The following MGAT4A variants were observed in gnomAD, a reference collection of about 807,000 sequenced individuals.
The protein encoded by MGAT4A is alpha-1,3-mannosyl-glycoprotein 4-beta-N-acetylglucosaminyltransferase A.
MGAT4A carries 33 observed loss-of-function variants against 74.1 expected under a neutral mutation model. That is an observed-to-expected ratio of 0.45 (90% CI 0.34 to 0.60). The LOEUF is 0.60. MGAT4A is among the 20% of genes least tolerant of loss of function. MGAT4A has a pLI of 0.02. For synonymous variants in MGAT4A, 198 were observed against 210.4 expected (o/e 0.94, Z 0.51); for missense variants, 479 against 628.3 (o/e 0.76, Z 2.54).
intron 2 of MGAT4A, among the ~76,000 whole-genome samples, chr2:98,719,055 T>C (rs1187558371): frequency 6.6e-6 from 1 of 152,098 alleles, no homozygotes; most frequent in East Asian, 1.9e-4. Context: ...CTGGAGAATT[T>C]TGGGCTTGTG....
intron 8 of MGAT4A, among the ~76,000 whole-genome samples, chr2:98,647,629 T>G (rs1701512977): frequency 6.6e-6 from 1 of 152,334 alleles, no homozygotes; most frequent in Admixed American, 6.5e-5. Context: ...CATAACGCGC[T>G]TTCTTATGCG....
At chr2:98,681,264 A>C (rs1455624099) in intron 2 of MGAT4A, among the ~76,000 whole-genome samples, 2 of 152,198 alleles carry the variant, frequency 1.3e-5, no homozygotes, top group Non-Finnish European at 2.9e-5. Context: ...TACAGACGTG[A>C]GCCACCGCAC....
chr2:98,728,707 C>T (rs1317404679), intron 1 of MGAT4A, among the ~76,000 whole-genome samples: 1 of 151,610 alleles, frequency 6.6e-6, no homozygotes, highest in East Asian at 1.9e-4. Flanking sequence ...CGAGATCACA[C>T]CACTGCACTC....
intron 4 of MGAT4A, among the ~76,000 whole-genome samples, chr2:98,673,464 T>C (rs2104284368): frequency 6.6e-6 from 1 of 152,314 alleles, no homozygotes; most frequent in South Asian, 2.1e-4. Context: ...TATTAAGAGC[T>C]TTTCCTAATG....
rs1317644259 is a variant in MGAT4A at position 98,623,894 on chromosome 2, C to T, written c.*1672G>A. The T allele has an allele frequency of 1.0e-6, 1 of 985,374 alleles. No homozygotes were observed. Among genetic ancestry groups the T allele is most frequent in the African/African-American group, 1.7e-5 (1 of 57,240 alleles). The allele number at this position is 985,374 out of a possible 1,614,324, so 61.0% of individuals were successfully genotyped here. On this transcript the variant is annotated 3_prime_UTR_variant, in exon 16 of 16. Coordinates refer to ENST00000393487, the MANE Select transcript of MGAT4A (RefSeq NM_012214.3). The stretch of plus-strand genomic sequence containing the variant: ...ACCTTGCCCCAGCGCTAGGCCCCAG[C>T]CAGTGGTCACTCTGAAAGCTCAGCA...
rs773023810 is a variant in MGAT4A at position 98,625,560 on chromosome 2, A to C, written c.*6T>G. 5.0e-6 allele frequency: 8 copies of C among 1,608,730 alleles called. No homozygotes were observed. The highest frequency in any genetic ancestry group is 5.9e-6 in the Non-Finnish European group (7 of 1,178,564). On this transcript the variant is annotated 3_prime_UTR_variant, in exon 16 of 16. Transcript: ENST00000393487. Reference sequence around the variant, plus strand: ...ACAGGAAAAAATGTGTTGGTTTCTCAGATGATCAGTTGGTGGCTTTTTTAA... The same window carrying C: ...ACAGGAAAAAATGTGTTGGTTTCTCCGATGATCAGTTGGTGGCTTTTTTAA...
intron 2 of MGAT4A, among the ~76,000 whole-genome samples, chr2:98,684,005 T>A (rs1702097055): frequency 1.3e-5 from 2 of 152,194 alleles, no homozygotes; most frequent in Non-Finnish European, 2.9e-5. Context: ...TTCTGCCACA[T>A]TAAAAGAGTT....
chr2:98,626,787 T>C (rs1232025379), intron 14 of MGAT4A, among the ~76,000 whole-genome samples: 1 of 152,176 alleles, frequency 6.6e-6, no homozygotes, highest in East Asian at 1.9e-4. Flanking sequence ...AAAGTTAGTG[T>C]TCCCTATAAT....
chr2:98,728,538 AG>A (rs1188336658), intron 1 of MGAT4A, among the ~76,000 whole-genome samples: 2 of 152,124 alleles, frequency 1.3e-5, no homozygotes, highest in Non-Finnish European at 2.9e-5. Flanking sequence ...ACCCGAGGTC[AG>A]GAGTTCAAGG....
chr2:98,657,038 T>C (rs1701670980), intron 6 of MGAT4A, among the ~76,000 whole-genome samples: 1 of 152,132 alleles, frequency 6.6e-6, no homozygotes, highest in Non-Finnish European at 1.5e-5. Flanking sequence ...GCCTAGTGGG[T>C]AGACATTAGG....
chr2:98,693,338 T>C (rs1702218894), intron 2 of MGAT4A, among the ~76,000 whole-genome samples: 1 of 151,632 alleles, frequency 6.6e-6, no homozygotes, highest in Admixed American at 6.6e-5. Flanking sequence ...AAGGAAATGA[T>C]AAAGGAAGGA....
intron 4 of MGAT4A, among the ~76,000 whole-genome samples, chr2:98,667,043 T>C (rs945808212): frequency 6.6e-6 from 1 of 152,164 alleles, no homozygotes; most frequent in Non-Finnish European, 1.5e-5. Context: ...TGATAGTGAA[T>C]AAGTCTTACA....
At chr2:98,640,899 TATA>T in intron 10 of MGAT4A, among the ~76,000 whole-genome samples, 1 of 152,318 alleles carries the variant, frequency 6.6e-6, no homozygotes, top group Non-Finnish European at 1.5e-5. Context: ...TATTTAATAA[TATA>T]ATGAATTTGC....
chr2:98,696,437 C>T (rs936782553), intron 2 of MGAT4A, among the ~76,000 whole-genome samples: 1 of 152,208 alleles, frequency 6.6e-6, no homozygotes, highest in Non-Finnish European at 1.5e-5. Context: ...TCTAAGTTGA[C>T]GTCTCTTCCC....
intron 2 of MGAT4A, among the ~76,000 whole-genome samples, chr2:98,683,493 G>C (rs1219232833): frequency 6.6e-6 from 1 of 152,066 alleles, no homozygotes; most frequent in African/African-American, 2.4e-5. Flanking sequence ...GTTCACAATA[G>C]GTGAAATGTG....
At chr2:98,635,321 T>C (rs370891712) in intron 13 of MGAT4A, 33 bp from the exon 14 acceptor site, 82 of 1,490,628 alleles carry the variant, frequency 5.5e-5, no homozygotes, top group South Asian at 2.6e-4. Context: ...ATTTCAAAAA[T>C]AATTCTTTCT....
At chr2:98,678,011 C>T (rs987921899) in intron 3 of MGAT4A, among the ~76,000 whole-genome samples, 4 of 150,500 alleles carry the variant, frequency 2.7e-5, no homozygotes, top group Non-Finnish European at 4.4e-5. Context: ...GGGTGGATCA[C>T]GAGGTCAGGA....
chr2:98,663,529 A>G, intron 4 of MGAT4A: 6 of 1,245,754 alleles, frequency 4.8e-6, no homozygotes, highest in Non-Finnish European at 6.3e-6. Context: ...TCTCGACTTC[A>G]AGCATGTGAC....
intron 2 of MGAT4A, among the ~76,000 whole-genome samples, chr2:98,719,039 C>T (rs1298653757): frequency 2.0e-5 from 3 of 152,170 alleles, no homozygotes; most frequent in Non-Finnish European, 4.4e-5. Flanking sequence ...TCATTTGCAA[C>T]AGCGCCTGGA....
Sources: gnomAD v4.1 joint callset for allele counts (sites outside exome capture counted in the v4.1 genomes callset) on GRCh38, gnomAD v4.1.1 for gene constraint, MANE v1.5 for transcripts, NCBI Gene and HGNC (gene_info 2026-07-23, HGNC 2026-07-21) for gene names.